Variants in ADARB2 observed in about 807,000 individuals in gnomAD.
ADARB2 encodes inactive double-stranded RNA-specific editase B2.
ADARB2 carries 25 observed loss-of-function variants against 62.2 expected under a neutral mutation model. That is an observed-to-expected ratio of 0.40 (90% CI 0.29 to 0.56). ADARB2 has a LOEUF of 0.56. Ranked by LOEUF, ADARB2 falls within the 20% of genes least tolerant of loss-of-function variation. ADARB2 has a pLI of 0.43. For missense variants in ADARB2, 1,071 were observed against 1,077.4 expected (o/e 0.99, Z 0.08); for synonymous variants, 572 against 500.8 (o/e 1.14, Z -1.90).
chr10:1,642,674 G>A (rs1833992384), intron 1 of ADARB2, among the ~76,000 whole-genome samples: 2 of 151,914 alleles, frequency 1.3e-5, no homozygotes, highest in South Asian at 2.1e-4. Flanking sequence ...TTAGCTCAAG[G>A]CCATCTCACC....
At chr10:1,630,617 C>T (rs1189508799) in intron 1 of ADARB2, among the ~76,000 whole-genome samples, 1 of 152,138 alleles carries the variant, frequency 6.6e-6, no homozygotes, top group East Asian at 1.9e-4. Context: ...GAAATGGCGA[C>T]TCTATGAATG....
rs576074743 is a variant in ADARB2 at position 1,374,984 on chromosome 10, G to A, written c.187+4090C>T. 1.7e-4 allele frequency among the ~76,000 whole-genome samples: 26 copies of A among 152,128 alleles called. No homozygotes were observed. In the South Asian group the frequency reaches 5.2e-3, roughly 30 times the overall value. ...GGCAGGCTGGGGCCGGGGGTGGGAG[G>A]CAGTGGCTCCTGGCATTTGTGGAGT... On this transcript the variant is annotated intron_variant, in intron 2 of 9. Transcript: ENST00000381312.
intron 1 of ADARB2, among the ~76,000 whole-genome samples, chr10:1,491,253 A>G (rs560981191): frequency 6.6e-6 from 1 of 152,098 alleles, no homozygotes; most frequent in South Asian, 2.1e-4. Context: ...TATTTTTTGT[A>G]GAGACAGGGT....
intron 1 of ADARB2, among the ~76,000 whole-genome samples, chr10:1,734,467 G>A (rs985548797): frequency 6.6e-5 from 10 of 152,068 alleles, no homozygotes; most frequent in Non-Finnish European, 1.3e-4. Flanking sequence ...TTATTTCAGA[G>A]CTCACAGATC....
At chr10:1,282,034 G>A (rs1048540129) in intron 3 of ADARB2, among the ~76,000 whole-genome samples, 2 of 152,128 alleles carry the variant, frequency 1.3e-5, no homozygotes, top group Admixed American at 6.5e-5. Flanking sequence ...TTCCCATGAC[G>A]GCTTCAGCAA....
At chr10:1,185,334 T>C (rs1836737714) in intron 8 of ADARB2, among the ~76,000 whole-genome samples, 1 of 152,088 alleles carries the variant, frequency 6.6e-6, no homozygotes, top group Non-Finnish European at 1.5e-5. Flanking sequence ...CTTCTGTAAA[T>C]ATTAGTTGAG....
At chr10:1,369,068 T>G (rs1045171784) in intron 2 of ADARB2, among the ~76,000 whole-genome samples, 2 of 152,234 alleles carry the variant, frequency 1.3e-5, no homozygotes, top group Non-Finnish European at 2.9e-5. Flanking sequence ...TGACTGCATG[T>G]GAACCACTCA....
chr10:1,596,192 CAT>C (rs1833331974), intron 1 of ADARB2, among the ~76,000 whole-genome samples: 1 of 152,206 alleles, frequency 6.6e-6, no homozygotes, highest in Non-Finnish European at 1.5e-5. Flanking sequence ...ATGACAATAA[CAT>C]AGTTTGAAGT....
At chr10:1,219,756 G>A (rs2131756490) in intron 6 of ADARB2, among the ~76,000 whole-genome samples, 1 of 151,804 alleles carries the variant, frequency 6.6e-6, no homozygotes, top group South Asian at 2.1e-4. Flanking sequence ...TAATGGTGAT[G>A]ATGGTGGCGG....
At position 1,200,243 on chromosome 10, in the gene ADARB2, A is replaced by T. The variant is rs776850531; in HGVS notation, c.1683-96T>A. 1.5e-4 allele frequency: 220 copies of T among 1,499,534 alleles called. 1 individual carries two copies. Among genetic ancestry groups the T allele is most frequent in the Non-Finnish European group, 1.9e-4 (210 of 1,100,906 alleles). The allele number at this position is 1,499,534 out of a possible 1,614,324, so 92.9% of individuals were successfully genotyped here. ...TGCGGCCTGGTCCTGAGGACCTGTC[A>T]GTCTTCCCATCGTGCGGACCTTGGG... On this transcript the variant is annotated intron_variant, in intron 7 of 9. Coordinates refer to ENST00000381312, the MANE Select transcript of ADARB2 (RefSeq NM_018702.4).
chr10:1,264,919 G>C (rs1181045089), intron 4 of ADARB2, among the ~76,000 whole-genome samples: 1 of 152,210 alleles, frequency 6.6e-6, no homozygotes, highest in East Asian at 1.9e-4. Flanking sequence ...CATATTTTCA[G>C]AATATGTTTT....
chr10:1,196,514 A>G (rs1025391412), intron 8 of ADARB2, among the ~76,000 whole-genome samples: 26 of 152,162 alleles, frequency 1.7e-4, no homozygotes, highest in African/African-American at 6.3e-4. Flanking sequence ...CTTAAATTCT[A>G]CTGGGAAACA....
chr10:1,575,499 G>A (rs540603898), intron 1 of ADARB2, among the ~76,000 whole-genome samples: 90 of 152,066 alleles, frequency 5.9e-4, no homozygotes, highest in Non-Finnish European at 1.0e-3. Flanking sequence ...AGATGGGCAT[G>A]CAGCACTCAG....
At chr10:1,718,785 TTCCAG>T (rs1835053877) in intron 1 of ADARB2, among the ~76,000 whole-genome samples, 5 of 152,152 alleles carry the variant, frequency 3.3e-5, no homozygotes, top group Admixed American at 1.3e-4. Flanking sequence ...AGGCTCTGGC[TTCCAG>T]CTCCCAGGCA....
chr10:1,315,393 G>C (rs140082833), intron 3 of ADARB2, among the ~76,000 whole-genome samples: 83 of 152,344 alleles, frequency 5.4e-4, no homozygotes, highest in African/African-American at 1.7e-3. Context: ...CGTCCTGAGC[G>C]TGGCGTTTGG....
intron 1 of ADARB2, among the ~76,000 whole-genome samples, chr10:1,408,558 C>A (rs1439308610): frequency 6.6e-6 from 1 of 152,168 alleles, no homozygotes; most frequent in African/African-American, 2.4e-5. Flanking sequence ...CCCAGGGCCA[C>A]CCGTCCAGCA....
At chr10:1,359,214 A>C (rs982183270) in intron 3 of ADARB2, among the ~76,000 whole-genome samples, 1 of 152,198 alleles carries the variant, frequency 6.6e-6, no homozygotes, top group South Asian at 2.1e-4. Context: ...TGAGCCAGGC[A>C]GGTGCACCTG....
At chr10:1,356,483 C>A (rs1191908945) in intron 3 of ADARB2, among the ~76,000 whole-genome samples, 2 of 152,168 alleles carry the variant, frequency 1.3e-5, no homozygotes, top group East Asian at 1.9e-4. Flanking sequence ...CCCAACGATC[C>A]ATTACCAGGA....
chr10:1,417,202 G>A (rs1359920311), intron 1 of ADARB2, among the ~76,000 whole-genome samples: 1 of 152,002 alleles, frequency 6.6e-6, no homozygotes, highest in Non-Finnish European at 1.5e-5. Context: ...AGACAGTCAA[G>A]AAGTGTAGAC....
Sources: allele counts gnomAD v4.1 joint callset (sites outside exome capture counted in the v4.1 genomes callset), GRCh38; gene constraint gnomAD v4.1.1; transcripts MANE v1.5; gene names NCBI Gene and HGNC (gene_info 2026-07-23, HGNC 2026-07-21).